The following RASGRF2 variants were observed in gnomAD, a reference collection of about 807,000 sequenced individuals.
The protein encoded by RASGRF2 is ras-specific guanine nucleotide-releasing factor 2.
Under a neutral mutation model 151.0 loss-of-function variants are expected in RASGRF2, and 76 were observed. That is an observed-to-expected ratio of 0.50 (90% CI 0.42 to 0.61). RASGRF2 has a LOEUF of 0.61. RASGRF2 is among the 20% of genes least tolerant of loss of function. The probability of loss-of-function intolerance (pLI) is 0.00; values close to 1 mark genes in which losing one functional copy is unlikely to be tolerated. For synonymous variants in RASGRF2, 504 were observed against 566.5 expected, an observed-to-expected ratio of 0.89 and a Z score of 1.57; for missense variants, 1,148 against 1,564.6, an observed-to-expected ratio of 0.73 and a Z score of 4.49.
At chr5:81,191,983 G>A (rs956927800) in intron 18 of RASGRF2, among the ~76,000 whole-genome samples, 1 of 151,998 alleles carries the variant, frequency 6.6e-6, no homozygotes, top group Non-Finnish European at 1.5e-5. Flanking sequence ...CCACATTTTC[G>A]CTGTGCCTTC....
chr5:81,037,742 A>T (rs1050033768), intron 1 of RASGRF2, among the ~76,000 whole-genome samples: 6 of 152,242 alleles, frequency 3.9e-5, no homozygotes, highest in African/African-American at 1.4e-4. Flanking sequence ...CTCTCGGAAC[A>T]TTTTTGAAGA....
At chr5:81,205,279 T>A (rs933975893) in intron 19 of RASGRF2, among the ~76,000 whole-genome samples, 1 of 152,222 alleles carries the variant, frequency 6.6e-6, no homozygotes, top group East Asian at 1.9e-4. Flanking sequence ...GTGTGCTGTG[T>A]GTGGGACCCT....
rs1755991943 is a variant in RASGRF2, at chr5:81,226,013, A to G, written c.*243A>G. 2.3e-5 allele frequency: 9 copies of G among 390,178 alleles called. No individual in the cohort carries two copies. The South Asian group carries it at 4.0e-4, about 17-fold the overall frequency. 24.2% of individuals were successfully genotyped at this position (390,178 alleles called of 1,614,324 possible). A position where few individuals can be genotyped will look rare whatever the true frequency, so the allele number is the denominator to read the frequency against. On this transcript the variant is annotated 3_prime_UTR_variant, in exon 27 of 27. Transcript: ENST00000265080. Reference sequence around the variant, plus strand: ...TTAGAAAGCTGGTGGCACGTTTTACATAAGGGAATGTCAGATGGGAGATGC... The same window carrying G: ...TTAGAAAGCTGGTGGCACGTTTTACGTAAGGGAATGTCAGATGGGAGATGC...
chr5:81,141,319 G>C (rs1245839186), intron 17 of RASGRF2, among the ~76,000 whole-genome samples: 2 of 152,154 alleles, frequency 1.3e-5, no homozygotes, highest in Non-Finnish European at 2.9e-5. Context: ...CGGGCACTGT[G>C]CTTGACCACA....
rs143958413 is a variant in RASGRF2 at position 81,168,510 on chromosome 5, C to T, written c.2687-11665C>T. Among the ~76,000 whole-genome samples, 117 of 152,056 alleles carry T rather than the reference C, an allele frequency of 7.7e-4. No homozygotes were observed. In the East Asian group the frequency reaches 0.01, roughly 13 times the overall value. On this transcript the variant is annotated intron_variant, in intron 17 of 26. Transcript: ENST00000265080. ...ACTTTTAGTAGAGTTGGGGTTTCAC[C>T]ATATTGGTCAGGCTGGTCTCGAACT...
At chr5:81,155,248 A>G (rs1278780204) in intron 17 of RASGRF2, among the ~76,000 whole-genome samples, 1 of 152,142 alleles carries the variant, frequency 6.6e-6, no homozygotes, top group Non-Finnish European at 1.5e-5. Flanking sequence ...CACCCTCAGA[A>G]ATTATTTTTT....
intron 1 of RASGRF2, among the ~76,000 whole-genome samples, chr5:81,037,165 A>G (rs1750528398): frequency 6.6e-6 from 1 of 152,178 alleles, no homozygotes; most frequent in African/African-American, 2.4e-5. Flanking sequence ...TGATTCAATT[A>G]TCTCTCACCA....
intron 17 of RASGRF2, among the ~76,000 whole-genome samples, chr5:81,155,534 G>A (rs901394545): frequency 9.2e-5 from 14 of 152,254 alleles, no homozygotes; most frequent in Admixed American, 3.9e-4. Context: ...CAACCCTACA[G>A]AAATTAAAAT....
In RASGRF2 at chr5:81,228,065, A is replaced by G. The variant is rs1756035690; in HGVS notation, c.*2295A>G. 6.6e-6 allele frequency: 1 copy of G among 152,198 alleles called. No individual in the cohort carries two copies. The highest frequency in any genetic ancestry group is 2.1e-4 in the South Asian group (1 of 4,826). The allele number at this position is 152,198 out of a possible 1,614,324, so 9.4% of individuals were successfully genotyped here. On this transcript the variant is annotated 3_prime_UTR_variant, in exon 27 of 27. Coordinates refer to ENST00000265080, the MANE Select transcript of RASGRF2 (RefSeq NM_006909.3). The stretch of plus-strand genomic sequence containing the variant: ...GCACTGGTCATATTAGGCACTGTCA[A>G]TTGCTATGCTGACTTTTAGGGGGTT...
chr5:81,050,179 C>T (rs1750966926), intron 2 of RASGRF2, among the ~76,000 whole-genome samples: 2 of 152,284 alleles, frequency 1.3e-5, no homozygotes, highest in South Asian at 4.1e-4. Context: ...TGCAGGCCAT[C>T]AACACTGATT....
chr5:81,192,534 T>C (rs1755173203), intron 18 of RASGRF2, among the ~76,000 whole-genome samples: 1 of 152,208 alleles, frequency 6.6e-6, no homozygotes, highest in Non-Finnish European at 1.5e-5. Context: ...TGCCCCAAGG[T>C]GGCGCCGACG....
In RASGRF2 at chr5:80,960,935, A is replaced by G; in HGVS notation, c.197A>G (p.Tyr66Cys). ...CAGAGCTGCCGCCCGGCGGGCATGT[A>G]CCTCCTGGAGGGCTGCAGCTGCGAA... ...GEQSCRPAGM[Y>C]LLEGCSCERT... is the part of the protein sequence containing the mutation. The change falls in exon 1 of 27, where the codon TAC (tyrosine) becomes TGC (cysteine). Residue 66 changes from tyrosine (Y) to cysteine (C), a missense_variant. Tyr to Cys is a radical substitution (Grantham distance 194). Coordinates refer to ENST00000265080, the MANE Select transcript of RASGRF2 (RefSeq NM_006909.3). This position sits in a 1 kb window ranked among gnomAD's most constrained non-coding sequence, Gnocchi z 5.5. 6.3e-7 allele frequency: 1 copy of G among 1,593,344 alleles called. No homozygotes were observed. Among genetic ancestry groups the G allele is most frequent in the Non-Finnish European group, 8.6e-7 (1 of 1,166,214 alleles).
chr5:81,019,685 C>T (rs966018793), intron 1 of RASGRF2: 12 of 152,102 alleles, frequency 7.9e-5, no homozygotes, highest in African/African-American at 2.7e-4. Flanking sequence ...CTGCTGTATG[C>T]TTTTAAAGAA....
In RASGRF2 at chr5:81,202,227, G is replaced by T. The variant is rs142304603; in HGVS notation, c.2906+785G>T. ...TCACTCATAAGTACGTCCTCTGTCC[G>T]TGCTTGGGGATGGGAAGCCCAGCAT... On this transcript the variant is annotated intron_variant, in intron 19 of 26. Transcript: ENST00000265080. Among the ~76,000 whole-genome samples, 280 of 152,264 alleles carry T rather than the reference G, an allele frequency of 1.8e-3. 1 individual carries two copies. The highest frequency in any genetic ancestry group is 6.6e-3 in the African/African-American group (273 of 41,546).
chr5:81,050,233 G>T (rs1187202783), intron 2 of RASGRF2, among the ~76,000 whole-genome samples: 1 of 152,092 alleles, frequency 6.6e-6, no homozygotes, highest in Non-Finnish European at 1.5e-5. Flanking sequence ...CTTCCAGGTC[G>T]GCTTCCTTCC....
At chr5:80,965,915 AT>A (rs1281143348) in intron 1 of RASGRF2, among the ~76,000 whole-genome samples, 1 of 152,086 alleles carries the variant, frequency 6.6e-6, no homozygotes, top group African/African-American at 2.4e-5. Context: ...TATAATTTTA[AT>A]TTTTTGGAAT....
chr5:81,148,627 T>G (rs1469946395), intron 17 of RASGRF2, among the ~76,000 whole-genome samples: 1 of 148,068 alleles, frequency 6.8e-6, no homozygotes, highest in African/African-American at 2.5e-5. Context: ...TTATTTCCTT[T>G]GTCATTTAAA....
chr5:81,147,706 T>C (rs1754037428), intron 17 of RASGRF2, among the ~76,000 whole-genome samples: 1 of 152,218 alleles, frequency 6.6e-6, no homozygotes, highest in South Asian at 2.1e-4. Context: ...TGTCTAGCAT[T>C]TGAATGGTAA....
chr5:81,116,066 C>CATTTTTT (rs1753144206), intron 15 of RASGRF2, among the ~76,000 whole-genome samples: 1 of 49,042 alleles, frequency 2.0e-5, no homozygotes, highest in Non-Finnish European at 3.9e-5. Context: ...AATGCCATTT[C>CATTTTTT]TTTTTTTTTT....
Sources: gnomAD v4.1 joint callset for allele counts (sites outside exome capture counted in the v4.1 genomes callset) on GRCh38, gnomAD v4.1.1 for gene constraint, Gnocchi (gnomAD v3.1) non-coding constraint, MANE v1.5 for transcripts, NCBI Gene and HGNC (gene_info 2026-07-23, HGNC 2026-07-21) for gene names.